FBN2: variants seen among roughly 807,000 people sequenced by gnomAD.
FBN2 encodes fibrillin 2.
FBN2 carries 105 observed loss-of-function variants against 355.6 expected under a neutral mutation model. The observed-to-expected ratio is 0.30, with a 90% CI of 0.25 to 0.35. The LOEUF is 0.35. Ranked by LOEUF, FBN2 falls within the 10% of genes least tolerant of loss-of-function variation. The pLI, the probability that FBN2 is intolerant of heterozygous loss-of-function variation, is 1.00. For synonymous variants in FBN2, 1,350 were observed against 1,301.2 expected, an observed-to-expected ratio of 1.04 and a Z score of -0.81; for missense variants, 3,280 against 3,758.7, an observed-to-expected ratio of 0.87 and a Z score of 3.33.
chr5:128,527,820 A>G (rs372317456), intron 4 of FBN2, 52 bp downstream of exon 4: 1 of 1,266,136 alleles, frequency 7.9e-7, no homozygotes, highest in African/African-American at 1.5e-5. Context: ...TTATAACTTA[A>G]TATGAAATAT....
In FBN2 at chr5:128,350,880, G is replaced by T; in HGVS notation, c.2800C>A (p.Arg934=). 6.2e-7 allele frequency: 1 copy of T among 1,614,080 alleles called. No individual in the cohort carries two copies. Among genetic ancestry groups the T allele is most frequent in the Non-Finnish European group, 8.5e-7 (1 of 1,180,008 alleles). The part of the protein sequence containing the change: ...LGAAWGSPCE[R]CELDTACPRG... Reference sequence around the variant, plus strand: ...ATAAGGCTCCTACCTAGTTCACACCGCTCACAGGGGCTCCCCCAGGCGGCT... The same window carrying T: ...ATAAGGCTCCTACCTAGTTCACACCTCTCACAGGGGCTCCCCCAGGCGGCT... Residue 934 remains arginine (R), a synonymous_variant, in exon 21 of 65, where the codon CGG becomes AGG. Transcript: ENST00000262464.
chr5:128,335,892 A>G, intron 28 of FBN2, 96 bp downstream of exon 28: 1 of 1,338,442 alleles, frequency 7.5e-7, no homozygotes, highest in Non-Finnish European at 1.1e-6. Flanking sequence ...TTTTGGGACA[A>G]AGGATTTGCA....
chr5:128,276,014 G>A (rs555283346), intron 59 of FBN2, 24 bp downstream of exon 59: 11 of 1,612,358 alleles, frequency 6.8e-6, no homozygotes, highest in East Asian at 6.7e-5. Flanking sequence ...CTAGGGTCAC[G>A]ATTGTCAGAG....
Position 128,346,738 on chromosome 5 carries a change from A to C in FBN2, c.2990-1154T>G, listed in dbSNP as rs2007186. On this transcript the variant is annotated intron_variant, in intron 23 of 64. Transcript: ENST00000262464. ...TGGATCACCTGAGGTCAGGAGTTCG[A>C]GACCAGCCTGGCCAACATGGCGAAA... Among the ~76,000 whole-genome samples the C allele has an allele frequency of 9.3e-3, 1,418 of 152,312 alleles. 7 individuals carry two copies. Among genetic ancestry groups the C allele is most frequent in the Non-Finnish European group, 0.012 (800 of 68,032 alleles).
At chr5:128,312,607 C>A (rs1750084186) in intron 37 of FBN2, 27 bp downstream of exon 37, 2 of 1,613,466 alleles carry the variant, frequency 1.2e-6, no homozygotes, top group African/African-American at 2.7e-5. Context: ...AGTTGGTTTT[C>A]TTCCTCTTCT....
Position 128,304,996 on chromosome 5 carries a change from T to C in FBN2, c.5761A>G (p.Asn1921Asp). ...LQGSYQCICH[N>D]GFKASQDQTM... Reference sequence around the variant, plus strand: ...TGGTCCTGAGAAGCCTTAAAGCCATTGTGGCAGATGCACTGGTAACTTCCT... The same window carrying C: ...TGGTCCTGAGAAGCCTTAAAGCCATCGTGGCAGATGCACTGGTAACTTCCT... Residue 1921 changes from asparagine to aspartate, a missense_variant, in exon 45 of 65, where the codon AAT (asparagine) becomes GAT (aspartate). Asn to Asp is a conservative substitution (Grantham distance 23). Transcript: ENST00000262464. 6.2e-7 allele frequency: 1 copy of C among 1,614,006 alleles called. No homozygotes were observed. Among genetic ancestry groups the C allele is most frequent in the Non-Finnish European group, 8.5e-7 (1 of 1,179,986 alleles).
intron 46 of FBN2, among the ~76,000 whole-genome samples, chr5:128,302,309 G>A (rs1749741306): frequency 6.6e-6 from 1 of 152,186 alleles, no homozygotes; most frequent in Non-Finnish European, 1.5e-5. Context: ...TTCCTGGCAT[G>A]CAGTAAACAA....
At chr5:128,535,701 TTTTAAGGTCAGA>T (rs2112808141) in intron 2 of FBN2, among the ~76,000 whole-genome samples, 1 of 152,208 alleles carries the variant, frequency 6.6e-6, no homozygotes, top group South Asian at 2.1e-4. Flanking sequence ...TAATCAAAAC[TTTTAAGGTCAGA>T]GATACAGAAT....
chr5:128,535,895 C>A (rs141404609), intron 2 of FBN2, among the ~76,000 whole-genome samples: 1 of 150,830 alleles, frequency 6.6e-6, no homozygotes, highest in African/African-American at 2.4e-5. Flanking sequence ...AACACTAAAT[C>A]CGCGAGAATG....
rs1764910277 is a variant in FBN2 at position 128,259,563 on chromosome 5, G to C, written c.8631C>G (p.Leu2877=). 6.2e-7 allele frequency: 1 copy of C among 1,614,114 alleles called. No homozygotes were observed. Among genetic ancestry groups the C allele is most frequent in the Non-Finnish European group, 8.5e-7 (1 of 1,180,012 alleles). Residue 2877 remains leucine, a synonymous_variant, in exon 65 of 65, where the codon CTC becomes CTG. Transcript: ENST00000262464. The stretch of plus-strand genomic sequence containing the variant: ...GTTTCTTAAGCTCCTTCTTCTTGTA[G>C]AGAGGGATGCTAGTGATTTCCAGTG... ...TYTLEITSIP[L]YKKKELKKLE...
intron 26 of FBN2, 99 bp downstream of exon 26, chr5:128,338,834 C>T (rs1750914151): frequency 1.5e-6 from 2 of 1,301,616 alleles, no homozygotes; most frequent in Non-Finnish European, 2.2e-6. Context: ...GCTGGCCACA[C>T]ATGCCGTTCA....
chr5:128,507,460 T>C (rs948073925), intron 5 of FBN2, among the ~76,000 whole-genome samples: 2 of 152,038 alleles, frequency 1.3e-5, no homozygotes, highest in Non-Finnish European at 2.9e-5. Flanking sequence ...GTAAATGCTA[T>C]ATAAATGGTT....
At chr5:128,274,420 T>A in intron 60 of FBN2, 147 bp downstream of exon 60, 1 of 663,534 alleles carries the variant, frequency 1.5e-6, no homozygotes. Flanking sequence ...AATATCTATC[T>A]TATTAGCAAC....
rs750706738 is a variant in FBN2, at chr5:128,300,848, T to C, written c.6135A>G (p.Pro2045=). 1 of 1,613,982 alleles carries C rather than the reference T, an allele frequency of 6.2e-7. No individual in the cohort carries two copies. Among genetic ancestry groups the C allele is most frequent in the Non-Finnish European group, 8.5e-7 (1 of 1,179,900 alleles). ...LEGSFRCICP[P]GYEVKSENCI... is the part of the protein sequence containing the mutation. ...AGTTCTCGCTTTTTACTTCATACCC[T>C]GGGGGACAGATGCATCTGAAGGATC... The change falls in exon 48 of 65, where the codon CCA becomes CCG. Residue 2045 remains proline, a synonymous_variant. Transcript: ENST00000262464.
chr5:128,280,448 CAT>C lies in FBN2; in HGVS notation c.7013-133_7013-132del. On this transcript the variant is annotated intron_variant, in intron 55 of 64. Coordinates refer to ENST00000262464, the MANE Select transcript of FBN2 (RefSeq NM_001999.4). ...CTAATATGATGAGATTAAAAATGGT[CAT>C]GTGTGAATATTAATTTATTTTTAGC... 3 of 700,156 alleles carry C rather than the reference CAT, an allele frequency of 4.3e-6. No individual in the cohort carries two copies. The Admixed American group carries it at 6.8e-5, about 16-fold the overall frequency. The allele number at this position is 700,156 out of a possible 1,614,324, so 43.4% of individuals were successfully genotyped here. A position where few individuals can be genotyped will look rare whatever the true frequency, so the allele number is the denominator to read the frequency against.
chr5:128,288,810 T>C (rs1749234313), intron 52 of FBN2, among the ~76,000 whole-genome samples: 1 of 152,242 alleles, frequency 6.6e-6, no homozygotes. Context: ...AATGTGGTCC[T>C]CTGCTTCAAG....
At chr5:128,432,433 G>T (rs531725532) in intron 7 of FBN2, among the ~76,000 whole-genome samples, 26 of 152,262 alleles carry the variant, frequency 1.7e-4, no homozygotes, top group Non-Finnish European at 2.6e-4. Flanking sequence ...GCCTGTTTTT[G>T]TAAGTAAAGT....
At position 128,309,230 on chromosome 5, in the gene FBN2, A is replaced by C; in HGVS notation, c.5353+17T>G. Reference sequence around the variant, plus strand: ...CACTGATGTGGCAGTCAGCAGATGCACGAGCCGTGTGCTTACCTGTTCCTG... The same window carrying C: ...CACTGATGTGGCAGTCAGCAGATGCCCGAGCCGTGTGCTTACCTGTTCCTG... On this transcript the variant is annotated intron_variant, in intron 41 of 64. Transcript: ENST00000262464. 1.2e-6 allele frequency: 2 copies of C among 1,613,750 alleles called. No individual in the cohort carries two copies. Among genetic ancestry groups the C allele is most frequent in the Non-Finnish European group, 1.7e-6 (2 of 1,179,706 alleles).
At chr5:128,351,842 A>C (rs1451268145) in intron 20 of FBN2, among the ~76,000 whole-genome samples, 3 of 150,698 alleles carry the variant, frequency 2.0e-5, no homozygotes, top group Non-Finnish European at 2.9e-5. Flanking sequence ...TTAGGATTAC[A>C]GGCATGAGCC....
Sources: gnomAD v4.1 joint callset for allele counts (sites outside exome capture counted in the v4.1 genomes callset) on GRCh38, gnomAD v4.1.1 for gene constraint, MANE v1.5 for transcripts, NCBI Gene and HGNC (gene_info 2026-07-23, HGNC 2026-07-21) for gene names.